The following PPP1R7 variants were observed in gnomAD, a reference collection of about 807,000 sequenced individuals.
PPP1R7 encodes the protein protein phosphatase 1 regulatory subunit 22.
In PPP1R7, 18 loss-of-function variants were observed where a neutral mutation model predicts 45.2. The ratio of observed to expected loss-of-function variants is 0.40; its 90% confidence interval spans 0.28 to 0.59. PPP1R7 has a LOEUF of 0.59. PPP1R7 is among the 20% of genes least tolerant of loss of function. PPP1R7 has a pLI of 0.46. For synonymous variants in PPP1R7, 181 were observed against 183.4 expected (o/e 0.99, Z 0.11); for missense variants, 314 against 455.8 (o/e 0.69, Z 2.83).
At chr2:241,166,014 T>G (rs951353784) in intron 7 of PPP1R7, among the ~76,000 whole-genome samples, 2 of 151,884 alleles carry the variant, frequency 1.3e-5, no homozygotes, top group African/African-American at 4.8e-5. Context: ...GCCGTTCTCC[T>G]GCCTCAGCCT....
chr2:241,174,714 G>T (rs7577591), intron 9 of PPP1R7, among the ~76,000 whole-genome samples: 1 of 149,050 alleles, frequency 6.7e-6, no homozygotes, highest in East Asian at 2.0e-4. Context: ...TTGCTCTGTC[G>T]CCCAGGCTGG....
At chr2:241,154,326 ATC>A (rs2067397362) in intron 2 of PPP1R7, among the ~76,000 whole-genome samples, 2 of 152,090 alleles carry the variant, frequency 1.3e-5, no homozygotes, top group African/African-American at 4.8e-5. Context: ...GAAACCTTTA[ATC>A]TCTGAGAGAA....
chr2:241,182,262 G>A (rs2268903), intron 9 of PPP1R7, among the ~76,000 whole-genome samples: 3,873 of 152,330 alleles, frequency 0.025, 283 homozygotes, highest in East Asian at 0.21. Context: ...CAGTGATGGC[G>A]CAGAGTGCAG....
chr2:241,150,189 C>T, upstream of PPP1R7: 1 of 1,275,146 alleles, frequency 7.8e-7, no homozygotes, highest in Non-Finnish European at 9.9e-7. Context: ...TCTGCCTAGA[C>T]GTCCACTCCG....
At chr2:241,182,158 G>T (rs2068017312) in intron 9 of PPP1R7, among the ~76,000 whole-genome samples, 3 of 152,218 alleles carry the variant, frequency 2.0e-5, no homozygotes, top group African/African-American at 7.2e-5. Context: ...TTGGGTGAAA[G>T]CAGCAGCTGG....
chr2:241,149,870 G>A (rs1575369674), upstream of PPP1R7: 4 of 1,454,824 alleles, frequency 2.7e-6, no homozygotes, highest in East Asian at 2.6e-5. Flanking sequence ...GCGCCCCGGA[G>A]CCAGCCAGCT....
chr2:241,154,468 A>C (rs2125480500), intron 2 of PPP1R7, among the ~76,000 whole-genome samples: 1 of 152,240 alleles, frequency 6.6e-6, no homozygotes, highest in East Asian at 1.9e-4. Context: ...CGGGTGGATC[A>C]CTTGAGGTCA....
intron 2 of PPP1R7, 55 bp from the exon 3 acceptor site, chr2:241,157,752 C>A: frequency 6.5e-7 from 1 of 1,545,270 alleles, no homozygotes; most frequent in Non-Finnish European, 8.9e-7. Flanking sequence ...CAGCTCTTCA[C>A]CAGTGCCTCC....
intron 8 of PPP1R7, among the ~76,000 whole-genome samples, chr2:241,166,832 C>T (rs2067723872): frequency 6.6e-6 from 1 of 152,204 alleles, no homozygotes; most frequent in Non-Finnish European, 1.5e-5. Context: ...GGGTGACTGG[C>T]ATCCCTTTAG....
At chr2:241,167,082 C>T in intron 8 of PPP1R7, 1 of 1,611,450 alleles carries the variant, frequency 6.2e-7, no homozygotes, top group Non-Finnish European at 8.5e-7. Context: ...GAAGTGTGCT[C>T]ACAGAGCCCC....
chr2:241,168,493 G>A (rs115535955), intron 8 of PPP1R7, among the ~76,000 whole-genome samples: 2,858 of 152,318 alleles, frequency 0.019, 99 homozygotes, highest in African/African-American at 0.064. Flanking sequence ...CAGGCGGTGT[G>A]TCGTTGGATT....
At chr2:241,153,681 T>A in intron 2 of PPP1R7, 77 bp downstream of exon 2, 1 of 1,554,094 alleles carries the variant, frequency 6.4e-7, no homozygotes, top group Non-Finnish European at 8.7e-7. Context: ...TGGCCCTGGG[T>A]GTGGGTGCTG....
chr2:241,166,908 AC>A, intron 8 of PPP1R7: 1 of 723,700 alleles, frequency 1.4e-6, no homozygotes, highest in Admixed American at 2.4e-5. Context: ...AGAGCACAGG[AC>A]CAGCTCTCAG....
At chr2:241,173,041 C>T (rs1454252220) in intron 9 of PPP1R7, among the ~76,000 whole-genome samples, 1 of 151,498 alleles carries the variant, frequency 6.6e-6, no homozygotes, top group Non-Finnish European at 1.5e-5. Context: ...CCTGTAATCC[C>T]AAGGTGGATC....
rs375299403 is a variant in PPP1R7 at position 241,180,727 on chromosome 2, G to A, written c.907-1920G>A. Reference sequence around the variant, plus strand: ...AACAGAGTAGCATTTAAGAAGGTACGCTCACGTCCCGTCCACATGGAGGCA... The same window carrying A: ...AACAGAGTAGCATTTAAGAAGGTACACTCACGTCCCGTCCACATGGAGGCA... On this transcript the variant is annotated intron_variant, in intron 9 of 9. Transcript: ENST00000234038. Among the ~76,000 whole-genome samples the A allele has an allele frequency of 4.6e-5, 7 of 151,888 alleles. No homozygotes were observed. The South Asian group carries it at 6.2e-4, about 13-fold the overall frequency.
chr2:241,179,373 C>T (rs1329797554), intron 9 of PPP1R7, among the ~76,000 whole-genome samples: 1 of 152,184 alleles, frequency 6.6e-6, no homozygotes, highest in East Asian at 1.9e-4. Flanking sequence ...ACCTGAAGTG[C>T]TGTGTCCCCA....
At chr2:241,167,555 CT>C (rs2067740832) in intron 8 of PPP1R7, among the ~76,000 whole-genome samples, 1 of 152,218 alleles carries the variant, frequency 6.6e-6, no homozygotes, top group Non-Finnish European at 1.5e-5. Flanking sequence ...CTCCTGCACC[CT>C]GGCCTCCCTG....
chr2:241,158,759 C>G (rs2067517964), intron 4 of PPP1R7: 1 of 554,622 alleles, frequency 1.8e-6, no homozygotes. Flanking sequence ...GGGGCTGGCT[C>G]TCCTGAGCCC....
In PPP1R7 at chr2:241,183,430, G is replaced by A. The variant is rs573360708; in HGVS notation, c.*607G>A. Reference sequence around the variant, plus strand: ...GGGCTGACTGTTTTCACGTGTGCCCGTCAGTTCTCGCCACATCCCTTGCCT... The same window carrying A: ...GGGCTGACTGTTTTCACGTGTGCCCATCAGTTCTCGCCACATCCCTTGCCT... On this transcript the variant is annotated 3_prime_UTR_variant, in exon 10 of 10. Coordinates refer to ENST00000234038, the MANE Select transcript of PPP1R7 (RefSeq NM_002712.3). 210 of 471,142 alleles carry A rather than the reference G, an allele frequency of 4.5e-4. 1 individual carries two copies. The highest frequency in any genetic ancestry group is 3.8e-3 in the African/African-American group (191 of 50,188). 29.2% of individuals were successfully genotyped at this position (471,142 alleles called of 1,614,324 possible). A position where few individuals can be genotyped will look rare whatever the true frequency, so the allele number is the denominator to read the frequency against.
Sources: gnomAD v4.1 joint callset for allele counts (sites outside exome capture counted in the v4.1 genomes callset) on GRCh38, gnomAD v4.1.1 for gene constraint, MANE v1.5 for transcripts, NCBI Gene and HGNC (gene_info 2026-07-23, HGNC 2026-07-21) for gene names.